The following XNDC1N variants were observed in gnomAD, a reference collection of about 807,000 sequenced individuals.
XNDC1N encodes XRCC1 N-terminal domain containing 1, N-terminal like, also known as protein XNDC1N.
the XNDC1N span, chr11:71,917,510 A>G: frequency 2.9e-6 from 2 of 698,900 alleles, no homozygotes; most frequent in Non-Finnish European, 5.2e-6. Context: ...AAACCCCTGC[A>G]CAGGCTCCCT....
the XNDC1N span, among the ~76,000 whole-genome samples, chr11:71,890,408 A>G: frequency 2.6e-5 from 4 of 152,262 alleles, no homozygotes; most frequent in East Asian, 7.7e-4. Context: ...ATTGGGAGTG[A>G]TATCATCCTC....
chr11:71,916,007 A>C, the XNDC1N span: 1 of 674,050 alleles, frequency 1.5e-6, no homozygotes, highest in Non-Finnish European at 2.7e-6. Context: ...AACAAGCATC[A>C]GTTTCTTAAA....
chr11:71,898,540 G>A, the XNDC1N span, among the ~76,000 whole-genome samples: 1 of 152,174 alleles, frequency 6.6e-6, no homozygotes, highest in Admixed American at 6.5e-5. Flanking sequence ...CCAGGATGTG[G>A]AGATTGCAGT....
chr11:71,879,916 G>A, the XNDC1N span, among the ~76,000 whole-genome samples: 140 of 152,066 alleles, frequency 9.2e-4, no homozygotes, highest in Non-Finnish European at 1.7e-3. Context: ...GCATAGATTC[G>A]TACTTCATTC....
chr11:71,873,998 G>T, the XNDC1N span, among the ~76,000 whole-genome samples: 1 of 152,158 alleles, frequency 6.6e-6, no homozygotes, highest in Non-Finnish European at 1.5e-5. Context: ...AATGACAGGG[G>T]AAGTGAACAA....
the XNDC1N span, among the ~76,000 whole-genome samples, chr11:71,888,134 A>T: frequency 6.6e-6 from 1 of 152,112 alleles, no homozygotes; most frequent in African/African-American, 2.4e-5. Context: ...TGCCAAGGGA[A>T]CAGATGCCCT....
chr11:71,916,912 A>T, the XNDC1N span: 17 of 157,086 alleles, frequency 1.1e-4, no homozygotes, highest in African/African-American at 3.9e-4. Context: ...TTCAGTAAAC[A>T]TTATATGCTA....
At chr11:71,917,438 C>A in the XNDC1N span, 16 of 639,230 alleles carry the variant, frequency 2.5e-5, no homozygotes, top group Non-Finnish European at 4.0e-5. Flanking sequence ...ATCCTCACCA[C>A]ACAAATCTCA....
the XNDC1N span, chr11:71,919,023 G>T: frequency 1.4e-6 from 1 of 702,580 alleles, no homozygotes; most frequent in African/African-American, 1.7e-5. Flanking sequence ...GGATACTTGG[G>T]ATCCTAAGTA....
the XNDC1N span, among the ~76,000 whole-genome samples, chr11:71,925,210 T>C: frequency 6.6e-6 from 1 of 152,048 alleles, no homozygotes; most frequent in African/African-American, 2.4e-5. Flanking sequence ...TATGGGTATG[T>C]CTTCTTTGTC....
At chr11:71,928,003 G>A in the XNDC1N span, 1 of 159,862 alleles carries the variant, frequency 6.3e-6, no homozygotes, top group East Asian at 1.9e-4. Flanking sequence ...TGTGAGCTGG[G>A]GCTACAGGCT....
chr11:71,885,442 TAATA>T, the XNDC1N span, among the ~76,000 whole-genome samples: 1 of 152,042 alleles, frequency 6.6e-6, no homozygotes, highest in African/African-American at 2.4e-5. Flanking sequence ...ATGTTGGGAG[TAATA>T]GCATTTTCTT....
At chr11:71,872,798 C>A in the XNDC1N span, among the ~76,000 whole-genome samples, 4 of 152,226 alleles carry the variant, frequency 2.6e-5, no homozygotes, top group African/African-American at 7.2e-5. Flanking sequence ...CTGGTTCTAG[C>A]ACCTTTTGGA....
At chr11:71,909,221 G>A in the XNDC1N span, among the ~76,000 whole-genome samples, 4 of 152,002 alleles carry the variant, frequency 2.6e-5, no homozygotes, top group African/African-American at 7.3e-5. Context: ...CTAGCCAGGT[G>A]TTTGTAAACA....
At chr11:71,874,638 C>G in the XNDC1N span, among the ~76,000 whole-genome samples, 1 of 152,116 alleles carries the variant, frequency 6.6e-6, no homozygotes, top group Non-Finnish European at 1.5e-5. Context: ...AACATCCAGG[C>G]TAGAGCTAAT....
At chr11:71,867,998 G>A in the XNDC1N span, among the ~76,000 whole-genome samples, 2 of 152,180 alleles carry the variant, frequency 1.3e-5, no homozygotes, top group African/African-American at 4.8e-5. Flanking sequence ...ATTTAAGATA[G>A]CTAAGTCTTC....
chr11:71,866,374 G>A, the XNDC1N span, among the ~76,000 whole-genome samples: 13 of 152,022 alleles, frequency 8.6e-5, no homozygotes, highest in Non-Finnish European at 1.8e-4. Context: ...TCTGGAGAAG[G>A]CCATGTTTAC....
chr11:71,910,789 G>GA, the XNDC1N span, among the ~76,000 whole-genome samples: 3 of 152,196 alleles, frequency 2.0e-5, no homozygotes, highest in Admixed American at 2.0e-4. Context: ...ATTCTTAGGA[G>GA]CTGTGGGGTT....
At chr11:71,916,036 G>A in the XNDC1N span, 1 of 686,772 alleles carries the variant, frequency 1.5e-6, no homozygotes, top group Non-Finnish European at 2.7e-6. Flanking sequence ...TGAAAAGGAA[G>A]GGAAAACATT....
Sources: gnomAD v4.1 joint callset for allele counts (sites outside exome capture counted in the v4.1 genomes callset) on GRCh38, gnomAD v4.1.1 for gene constraint, MANE v1.5 for transcripts, NCBI Gene and HGNC (gene_info 2026-07-23, HGNC 2026-07-21) for gene names.